Variants in PHACTR3 observed in about 807,000 individuals in gnomAD.
PHACTR3 encodes the protein protein phosphatase 1, regulatory subunit 123.
PHACTR3 carries 16 observed loss-of-function variants against 66.8 expected under a neutral mutation model. That is an observed-to-expected ratio of 0.24 (90% CI 0.16 to 0.36). PHACTR3 has a LOEUF of 0.36. Ranked by LOEUF, PHACTR3 falls within the 10% of genes least tolerant of loss-of-function variation. The pLI is 1.00. For missense variants in PHACTR3, 647 were observed against 719.9 expected, an observed-to-expected ratio of 0.90 and a Z score of 1.16; for synonymous variants, 323 against 292.1, an observed-to-expected ratio of 1.11 and a Z score of -1.08.
At chr20:59,660,213 G>A (rs560954626) in intron 1 of PHACTR3, among the ~76,000 whole-genome samples, 1 of 152,188 alleles carries the variant, frequency 6.6e-6, no homozygotes, top group South Asian at 2.1e-4. Context: ...ACTCACTCTG[G>A]GCTGGGCGCA....
intron 7 of PHACTR3, among the ~76,000 whole-genome samples, chr20:59,795,491 A>G (rs1271336397): frequency 6.6e-6 from 1 of 151,964 alleles, no homozygotes. Context: ...AATGTACATT[A>G]TGTCTGTTTT....
In PHACTR3 at chr20:59,761,430, G is replaced by A. The variant is rs559436600; in HGVS notation, c.542-5756G>A. Among the ~76,000 whole-genome samples the A allele has an allele frequency of 2.6e-5, 4 of 152,258 alleles. No homozygotes were observed. The East Asian group carries it at 7.7e-4, about 29-fold the overall frequency. On this transcript the variant is annotated intron_variant, in intron 4 of 12. Transcript: ENST00000371015. The stretch of plus-strand genomic sequence containing the variant: ...GACCAAGGTTGTGCTGGGTGTACGG[G>A]GGTGGAGTACAAGTGACCATGGCTC...
chr20:59,624,620 G>A (rs564368669), intron 1 of PHACTR3, among the ~76,000 whole-genome samples: 13 of 152,230 alleles, frequency 8.5e-5, no homozygotes, highest in Non-Finnish European at 1.6e-4. Flanking sequence ...GTCCAGCGCA[G>A]CCACCTCAGT....
intron 1 of PHACTR3, among the ~76,000 whole-genome samples, chr20:59,674,901 C>G (rs1341311898): frequency 1.0e-5 from 1 of 99,374 alleles, no homozygotes; most frequent in African/African-American, 4.3e-5. Context: ...TCTGCCTTCT[C>G]CTGCCTTCTC....
intron 7 of PHACTR3, among the ~76,000 whole-genome samples, chr20:59,786,011 G>A (rs754469175): frequency 6.6e-6 from 1 of 152,214 alleles, no homozygotes. Context: ...CTGAGTCTGA[G>A]TCGTAAACAC....
chr20:59,737,239 C>T (rs6070935), intron 1 of PHACTR3, among the ~76,000 whole-genome samples: 9,734 of 152,218 alleles, frequency 0.064, 498 homozygotes, highest in Non-Finnish European at 0.1. Context: ...CTGTCACAGT[C>T]GGTCAGTCGA....
intron 5 of PHACTR3, among the ~76,000 whole-genome samples, chr20:59,772,484 C>G (rs997066050): frequency 1.3e-5 from 2 of 152,070 alleles, no homozygotes; most frequent in Non-Finnish European, 2.9e-5. Context: ...GGACAGGAGA[C>G]GAGGGATCTG....
intron 1 of PHACTR3, among the ~76,000 whole-genome samples, chr20:59,639,605 A>G (rs558049423): frequency 6.6e-6 from 1 of 152,270 alleles, no homozygotes; most frequent in South Asian, 2.1e-4. Flanking sequence ...CACAAAGATT[A>G]TTGGTATTGA....
intron 9 of PHACTR3, among the ~76,000 whole-genome samples, chr20:59,837,387 ACTTT>A (rs1245126137): frequency 6.6e-6 from 1 of 152,174 alleles, no homozygotes; most frequent in African/African-American, 2.4e-5. Context: ...TACCAAGCTG[ACTTT>A]CTGTCAGAAA....
intron 1 of PHACTR3, among the ~76,000 whole-genome samples, chr20:59,720,260 C>CT (rs2038244389): frequency 6.6e-6 from 1 of 152,194 alleles, no homozygotes; most frequent in Non-Finnish European, 1.5e-5. Context: ...ACAGGGTGGT[C>CT]TGCTGGGCTC....
At chr20:59,590,682 A>ATGGATATCTTAGTTGG (rs1316318805) in intron 1 of PHACTR3, among the ~76,000 whole-genome samples, 2 of 152,150 alleles carry the variant, frequency 1.3e-5, no homozygotes, top group Non-Finnish European at 2.9e-5. Context: ...ACAACAACAA[A>ATGGATATCTTAGTTGG]ATATCTTAGA....
chr20:59,740,839 G>A (rs1224542850), intron 1 of PHACTR3, among the ~76,000 whole-genome samples: 1 of 152,214 alleles, frequency 6.6e-6, no homozygotes, highest in Non-Finnish European at 1.5e-5. Flanking sequence ...TGCCATGTGG[G>A]GCCTTGGGCC....
At chr20:59,586,114 A>T (rs996814516) in intron 1 of PHACTR3, among the ~76,000 whole-genome samples, 4 of 152,126 alleles carry the variant, frequency 2.6e-5, no homozygotes, top group African/African-American at 9.7e-5. Flanking sequence ...GCCCTTCTCC[A>T]TCCAAGCCTC....
chr20:59,787,702 C>T (rs1277058872), intron 7 of PHACTR3, among the ~76,000 whole-genome samples: 1 of 152,214 alleles, frequency 6.6e-6, no homozygotes, highest in Non-Finnish European at 1.5e-5. Flanking sequence ...AGTGCCATTC[C>T]TTAGTCAGGC....
At chr20:59,583,880 T>A (rs1417012642) in intron 1 of PHACTR3, among the ~76,000 whole-genome samples, 2 of 152,158 alleles carry the variant, frequency 1.3e-5, no homozygotes, top group African/African-American at 2.4e-5. Flanking sequence ...GATTACAGTA[T>A]TTTCAGGAAA....
chr20:59,587,438 T>C (rs541188716), intron 1 of PHACTR3, among the ~76,000 whole-genome samples: 2 of 152,356 alleles, frequency 1.3e-5, no homozygotes, highest in African/African-American at 4.8e-5. Flanking sequence ...TGGAGTGTAA[T>C]TCTGAAACCC....
chr20:59,788,762 C>G (rs1352782265), intron 7 of PHACTR3, among the ~76,000 whole-genome samples: 2 of 152,196 alleles, frequency 1.3e-5, no homozygotes, highest in African/African-American at 4.8e-5. Context: ...TGTCCTCTTT[C>G]CCGGGAAACC....
At chr20:59,587,470 G>A (rs1309857450) in intron 1 of PHACTR3, among the ~76,000 whole-genome samples, 1 of 152,226 alleles carries the variant, frequency 6.6e-6, no homozygotes, top group African/African-American at 2.4e-5. Flanking sequence ...CTGGTCAGGA[G>A]GATCACAGGA....
At chr20:59,775,355 G>A (rs1054209276) in intron 7 of PHACTR3, among the ~76,000 whole-genome samples, 3 of 152,072 alleles carry the variant, frequency 2.0e-5, no homozygotes, top group East Asian at 1.9e-4. Flanking sequence ...TGACTGTTGC[G>A]GGCATGGGCA....
Sources: allele counts gnomAD v4.1 joint callset (sites outside exome capture counted in the v4.1 genomes callset), GRCh38; gene constraint gnomAD v4.1.1; transcripts MANE v1.5; gene names NCBI Gene and HGNC (gene_info 2026-07-23, HGNC 2026-07-21).